The following CCSER1 variants were observed in gnomAD, a reference collection of about 807,000 sequenced individuals.
The protein encoded by CCSER1 is serine-rich coiled-coil domain-containing protein 1.
CCSER1 carries 41 observed loss-of-function variants against 82.0 expected under a neutral mutation model. The ratio of observed to expected loss-of-function variants is 0.50; its 90% confidence interval spans 0.39 to 0.65. The LOEUF (loss-of-function observed/expected upper bound fraction) is 0.65, where lower values mean the gene tolerates loss of function less well. Among genes scored for constraint, CCSER1 ranks in the 30% least tolerant of loss-of-function variants. The probability of loss-of-function intolerance (pLI) is 0.00; values close to 1 mark genes in which losing one functional copy is unlikely to be tolerated. For synonymous variants in CCSER1, 414 were observed against 383.9 expected (o/e 1.08, Z -0.92); for missense variants, 1,119 against 1,064.2 (o/e 1.05, Z -0.72).
chr4:91,021,001 C>G (rs1581355624), intron 9 of CCSER1, among the ~76,000 whole-genome samples: 2 of 152,118 alleles, frequency 1.3e-5, no homozygotes, highest in East Asian at 3.9e-4. Context: ...CGAGATACTT[C>G]AAAGTTAGTG....
At chr4:91,388,392 C>T (rs10856885) in intron 10 of CCSER1, among the ~76,000 whole-genome samples, 102,434 of 151,960 alleles carry the variant, frequency 0.67, 35,000 homozygotes, top group East Asian at 0.86. Context: ...TCTGAGTGAA[C>T]GTGATTTTCA....
At chr4:91,369,782 C>T (rs2149322403) in intron 10 of CCSER1, among the ~76,000 whole-genome samples, 1 of 150,490 alleles carries the variant, frequency 6.6e-6, no homozygotes, top group South Asian at 2.1e-4. Flanking sequence ...GATTCTCCTG[C>T]CTCAGCCTCC....
intron 5 of CCSER1, among the ~76,000 whole-genome samples, chr4:90,495,784 A>C (rs971205661): frequency 2.4e-4 from 36 of 152,276 alleles, no homozygotes; most frequent in African/African-American, 7.9e-4. Context: ...GCCCACATTT[A>C]TACAGTTTGG....
Position 90,826,945 on chromosome 4 carries a change from G to A in CCSER1, c.2094+11100G>A, listed in dbSNP as rs575238190. Among the ~76,000 whole-genome samples the A allele has an allele frequency of 4.6e-5, 7 of 152,266 alleles. 1 individual carries two copies. The South Asian group carries it at 1.0e-3, about 23-fold the overall frequency. ...CTGGCAAAGCCGGTCCCCCAGAAGT[G>A]GGGGGTCTTTCCCCGTTCAGTGTTA... On this transcript the variant is annotated intron_variant, in intron 8 of 10. Coordinates refer to ENST00000509176, the MANE Select transcript of CCSER1 (RefSeq NM_001145065.2).
In CCSER1 at chr4:91,359,537, T is replaced by A. The variant is rs190046512; in HGVS notation, c.2218-239035T>A. ...ATGTTATTTTAGAGTAGTTTAATTT[T>A]CATTTTTAGGTAAATTCAAACTAGC... On this transcript the variant is annotated intron_variant, in intron 10 of 10. Transcript: ENST00000509176. Among the ~76,000 whole-genome samples, 18 of 152,002 alleles carry A rather than the reference T, an allele frequency of 1.2e-4. No individual in the cohort carries two copies. The East Asian group carries it at 3.1e-3, about 26-fold the overall frequency.
chr4:90,930,939 T>TATATATAC (rs749253663), intron 9 of CCSER1, among the ~76,000 whole-genome samples: 2,332 of 134,864 alleles, frequency 0.017, 43 homozygotes, highest in Non-Finnish European at 0.026. Context: ...TATATATATA[T>TATATATAC]ACACATGACA....
chr4:90,505,383 C>T lies in CCSER1; in HGVS notation c.1724+37029C>T, dbSNP rs546707193. ...AAAGACAGAGGAACCAAAATCAAAG[C>T]GGGGCAGGGAAAAGACAGTAAGTTG... On this transcript the variant is annotated intron_variant, in intron 5 of 10. Coordinates refer to ENST00000509176, the MANE Select transcript of CCSER1 (RefSeq NM_001145065.2). Among the ~76,000 whole-genome samples, 26 of 152,214 alleles carry T rather than the reference C, an allele frequency of 1.7e-4. No individual in the cohort carries two copies. In the East Asian group the frequency reaches 2.1e-3, roughly 12 times the overall value.
chr4:90,219,550 C>T (rs1741735746), intron 1 of CCSER1, among the ~76,000 whole-genome samples: 1 of 152,062 alleles, frequency 6.6e-6, no homozygotes, highest in Admixed American at 6.5e-5. Flanking sequence ...TGTCACTTAC[C>T]TAAACCCTAG....
intron 9 of CCSER1, among the ~76,000 whole-genome samples, chr4:90,932,982 G>GAAAGAGAGAGAGAGAAAGAAAGAAAGAA (rs771267852): frequency 5.3e-5 from 1 of 18,856 alleles, no homozygotes; most frequent in Non-Finnish European, 9.4e-5. Flanking sequence ...AAGAAAGAAA[G>GAAAGAGAGAGAGAGAAAGAAAGAAAGAA]AGAAAGAAAG....
At chr4:90,928,439 A>T (rs1009840767) in intron 9 of CCSER1, among the ~76,000 whole-genome samples, 2 of 152,102 alleles carry the variant, frequency 1.3e-5, no homozygotes, top group African/African-American at 4.8e-5. Flanking sequence ...GCTCCATTCT[A>T]GGTCCTTGGA....
chr4:90,485,628 A>G (rs1430193854), intron 5 of CCSER1, among the ~76,000 whole-genome samples: 5 of 151,738 alleles, frequency 3.3e-5, no homozygotes. Context: ...TTTGTGATAC[A>G]GGTTATTTCA....
intron 9 of CCSER1, among the ~76,000 whole-genome samples, chr4:90,965,874 A>G (rs1404000528): frequency 6.6e-6 from 1 of 152,118 alleles, no homozygotes; most frequent in Non-Finnish European, 1.5e-5. Context: ...ACTAAACGAA[A>G]GTGCTTTTTT....
chr4:90,901,055 T>TA (rs960618628), intron 8 of CCSER1, among the ~76,000 whole-genome samples: 59 of 152,074 alleles, frequency 3.9e-4, no homozygotes, highest in East Asian at 3.9e-4. Context: ...TGACTTTTTT[T>TA]AAAAAAACTG....
At chr4:90,717,799 G>A (rs1741927581) in intron 6 of CCSER1, among the ~76,000 whole-genome samples, 2 of 148,616 alleles carry the variant, frequency 1.3e-5, no homozygotes, top group South Asian at 2.1e-4. Flanking sequence ...ATATATATAT[G>A]TGTATATATA....
chr4:90,955,711 C>T (rs977038248), intron 9 of CCSER1, among the ~76,000 whole-genome samples: 2 of 152,012 alleles, frequency 1.3e-5, no homozygotes, highest in African/African-American at 2.4e-5. Context: ...TTCTTCTTGC[C>T]CTCCTGCACA....
At chr4:91,141,184 C>T (rs1375472774) in intron 10 of CCSER1, among the ~76,000 whole-genome samples, 1 of 150,014 alleles carries the variant, frequency 6.7e-6, no homozygotes, top group African/African-American at 2.5e-5. Flanking sequence ...GAGACAGAGT[C>T]TCACTGTCAC....
intron 1 of CCSER1, among the ~76,000 whole-genome samples, chr4:90,156,445 G>A (rs1334894042): frequency 6.6e-5 from 10 of 152,084 alleles, no homozygotes; most frequent in African/African-American, 1.9e-4. Flanking sequence ...TTTCTGTCTC[G>A]TTGATCTGTC....
intron 7 of CCSER1, chr4:90,724,920 C>T: frequency 2.7e-6 from 1 of 370,528 alleles, no homozygotes; most frequent in South Asian, 2.1e-5. Context: ...ATATTGCTGT[C>T]TTGTTGAAAT....
intron 10 of CCSER1, among the ~76,000 whole-genome samples, chr4:91,595,929 T>C (rs7681874): frequency 0.73 from 89,276 of 122,386 alleles, 30,779 homozygotes; most frequent in African/African-American, 0.82. Context: ...TAATAGTAAA[T>C]ATCACAGAGA....
Sources: allele counts gnomAD v4.1 joint callset (sites outside exome capture counted in the v4.1 genomes callset), GRCh38; gene constraint gnomAD v4.1.1; transcripts MANE v1.5; gene names NCBI Gene and HGNC (gene_info 2026-07-23, HGNC 2026-07-21).